Variants in TMEM63B observed in about 807,000 individuals in gnomAD.
TMEM63B encodes transmembrane protein 63B, also known as mechanosensitive cation channel TMEM63B.
In TMEM63B, 23 loss-of-function variants were observed where a neutral mutation model predicts 102.6. The observed-to-expected ratio is 0.22, with a 90% CI of 0.16 to 0.32. The LOEUF is 0.32. Ranked by LOEUF, TMEM63B falls within the 10% of genes least tolerant of loss-of-function variation. The pLI, the probability that TMEM63B is intolerant of heterozygous loss-of-function variation, is 1.00. For synonymous variants in TMEM63B, 444 were observed against 437.0 expected (o/e 1.02, Z -0.20); for missense variants, 628 against 1,095.9 (o/e 0.57, Z 6.03).
In TMEM63B at chr6:44,150,938, G is replaced by A. The variant is rs577857038; in HGVS notation, c.1673+309G>A. 3.9e-5 allele frequency among the ~76,000 whole-genome samples: 6 copies of A among 152,308 alleles called. No homozygotes were observed. In the South Asian group the frequency reaches 1.0e-3, roughly 26 times the overall value. On this transcript the variant is annotated intron_variant, in intron 18 of 23. Coordinates refer to ENST00000323267, the MANE Select transcript of TMEM63B (RefSeq NM_018426.3). This position sits in a 1 kb window ranked among gnomAD's most constrained non-coding sequence, Gnocchi z 4.7. ...GGTAGTTTCTATGGGGGTGTCTTGT[G>A]CCCATATTCTGGGACTAACTGTGGG...
chr6:44,138,737 C>CCCCCCCCCCCT, intron 6 of TMEM63B: 1 of 328,106 alleles, frequency 3.0e-6, no homozygotes. Flanking sequence ...CCCCTGCCGG[C>CCCCCCCCCCCT]CCCCCCGCTT....
intron 4 of TMEM63B, among the ~76,000 whole-genome samples, 185 bp from the exon 5 acceptor site, chr6:44,136,164 C>T (rs1762905370): frequency 6.6e-6 from 1 of 152,208 alleles, no homozygotes; most frequent in Admixed American, 6.5e-5. Context: ...CCTGAGTCCC[C>T]CTGAAAGGAA....
At chr6:44,132,611 T>G (rs1354353380) in intron 1 of TMEM63B, among the ~76,000 whole-genome samples, 1 of 151,974 alleles carries the variant, frequency 6.6e-6, no homozygotes, top group Non-Finnish European at 1.5e-5. Flanking sequence ...TGCCCCAGGG[T>G]TCTGTGCATC....
chr6:44,138,287 G>A (rs1763414837), intron 5 of TMEM63B, 193 bp from the exon 6 acceptor site: 2 of 572,294 alleles, frequency 3.5e-6, no homozygotes, highest in South Asian at 4.1e-5. Context: ...TTTTTTCTTT[G>A]AGGGCTGAGA....
At chr6:44,131,993 G>A (rs1359840046) in intron 1 of TMEM63B, among the ~76,000 whole-genome samples, 1 of 152,154 alleles carries the variant, frequency 6.6e-6, no homozygotes, top group Non-Finnish European at 1.5e-5. Context: ...GCTCAGCCCA[G>A]TGCTGGCTTT....
intron 1 of TMEM63B, 140 bp from the exon 2 acceptor site, chr6:44,134,421 C>A: frequency 1.2e-6 from 1 of 807,620 alleles, no homozygotes; most frequent in Non-Finnish European, 1.9e-6. Flanking sequence ...CCTCCCTAGG[C>A]CCTTATCTCC....
intron 6 of TMEM63B, chr6:44,138,741 C>CCCA (rs936969472): frequency 7.4e-6 from 3 of 406,656 alleles, no homozygotes; most frequent in East Asian, 9.0e-5. Context: ...TGCCGGCCCC[C>CCCA]CCGCTTCTCT....
rs1762572764 is a variant in TMEM63B at position 44,134,664 on chromosome 6, G to T, written c.80G>T (p.Arg27Leu). Residue 27 changes from arginine to leucine, a missense_variant, in exon 2 of 24, where the codon CGC becomes CTC. Physicochemically the swap from Arg to Leu is moderately radical, Grantham distance 102. Around this residue, in one of 6 missense-constraint regions of TMEM63B, gnomAD observed 336 missense variants for 580.3 expected, o/e 0.58. Transcript: ENST00000323267. Reference sequence around the variant, plus strand: ...CCCAAGGACTACTGCTACAGCGCCCGCATCCGCAGCACTGTCCTGCAGGGC... The same window carrying T: ...CCCAAGGACTACTGCTACAGCGCCCTCATCCGCAGCACTGTCCTGCAGGGC... ...SNPKDYCYSA[R>L]IRSTVLQGLP... The T allele has an allele frequency of 6.2e-7, 1 of 1,614,070 alleles. No homozygotes were observed. The highest frequency in any genetic ancestry group is 8.5e-7 in the Non-Finnish European group (1 of 1,180,042).
intron 1 of TMEM63B, among the ~76,000 whole-genome samples, chr6:44,130,959 C>T (rs1246814827): frequency 1.3e-5 from 2 of 151,854 alleles, no homozygotes; most frequent in Non-Finnish European, 2.9e-5. Context: ...ACTCTGTCGC[C>T]CAGGCTGGAG....
intron 22 of TMEM63B, 77 bp downstream of exon 22, chr6:44,154,265 C>T (rs920719141): frequency 2.6e-5 from 41 of 1,597,844 alleles, no homozygotes; most frequent in Middle Eastern, 1.7e-4. Context: ...ACAGGGCTGG[C>T]GAGGGCTGAG....
rs774760478 is a variant in TMEM63B at position 44,154,761 on chromosome 6, G to A, written c.2377G>A (p.Gly793Arg). 1 of 1,606,022 alleles carries A rather than the reference G, an allele frequency of 6.2e-7. No homozygotes were observed. Among genetic ancestry groups the A allele is most frequent in the South Asian group, 1.1e-5 (1 of 90,194 alleles). The change falls in exon 24 of 24, where the codon GGG becomes AGG. Residue 793 changes from glycine (G) to arginine (R), a missense_variant. Gly to Arg is a moderately radical substitution (Grantham distance 125). Around this residue, in one of 6 missense-constraint regions of TMEM63B, gnomAD observed 129 missense variants for 153.5 expected, o/e 0.84. Coordinates refer to ENST00000323267, the MANE Select transcript of TMEM63B (RefSeq NM_018426.3). ...GDGDGAPGSSGDEPPSSSSQD... is the reference protein window; with the variant it reads ...GDGDGAPGSSRDEPPSSSSQD... ...TGGGGATGGGGCTCCTGGGAGCTCA[G>A]GGGATGAGCCCCCATCATCCTCATC...
intron 15 of TMEM63B, 91 bp from the exon 16 acceptor site, chr6:44,149,768 C>CCAAG: frequency 9.6e-7 from 1 of 1,043,428 alleles, no homozygotes; most frequent in South Asian, 1.5e-5. Context: ...AGTTGTGAGG[C>CCAAG]CAAGGGCCCA....
chr6:44,139,614 G>A lies in TMEM63B; in HGVS notation c.550+5G>A. On this transcript the variant is annotated splice_donor_5th_base_variant and intron_variant, in intron 7 of 23. Transcript: ENST00000323267. ...ACTTCTCAGGGGACCTGCTGGGTCA[G>A]TGAGGGCCAGGACGGCTAGGGTGGA... 6.2e-7 allele frequency: 1 copy of A among 1,614,212 alleles called. No homozygotes were observed. Among genetic ancestry groups the A allele is most frequent in the South Asian group, 1.1e-5 (1 of 91,084 alleles).
Position 44,154,452 on chromosome 6 carries a change from G to A in TMEM63B, c.2307+7G>A, listed in dbSNP as rs565070061. Reference sequence around the variant, plus strand: ...TGCTGTCCCCAAATCTGCGGTGAGTGCCCTCAAGGGTTGGGAGGGGCCTCT... The same window carrying A: ...TGCTGTCCCCAAATCTGCGGTGAGTACCCTCAAGGGTTGGGAGGGGCCTCT... On this transcript the variant is annotated splice_region_variant and intron_variant, in intron 23 of 23. Transcript: ENST00000323267. 12 of 1,613,898 alleles carry A rather than the reference G, an allele frequency of 7.4e-6. No individual in the cohort carries two copies. Among genetic ancestry groups the A allele is most frequent in the South Asian group, 1.1e-5 (1 of 91,076 alleles).
intron 18 of TMEM63B, among the ~76,000 whole-genome samples, chr6:44,151,475 C>T (rs940182865): frequency 6.6e-6 from 1 of 151,916 alleles, no homozygotes; most frequent in Non-Finnish European, 1.5e-5. Context: ...GGGGGTAACT[C>T]GAGTTATGGT....
intron 11 of TMEM63B, among the ~76,000 whole-genome samples, chr6:44,147,169 T>A (rs1223576653): frequency 6.6e-6 from 1 of 152,138 alleles, no homozygotes; most frequent in Non-Finnish European, 1.5e-5. Context: ...CTTCTTTGGC[T>A]ACAGTATGAG....
At chr6:44,146,250 A>T (rs1051096346) in intron 10 of TMEM63B, among the ~76,000 whole-genome samples, 2 of 152,082 alleles carry the variant, frequency 1.3e-5, no homozygotes, top group Non-Finnish European at 2.9e-5. Flanking sequence ...ATCAGACCAT[A>T]GCCCTGGCTT....
intron 10 of TMEM63B, among the ~76,000 whole-genome samples, 176 bp from the exon 11 acceptor site, chr6:44,146,671 G>A (rs575839011): frequency 1.3e-5 from 2 of 152,130 alleles, no homozygotes; most frequent in East Asian, 3.9e-4. Context: ...GGCTGGTTTC[G>A]AACTCCTGAC....
intron 4 of TMEM63B, 124 bp downstream of exon 4, chr6:44,135,490 T>C (rs1285124959): frequency 2.4e-6 from 3 of 1,243,210 alleles, no homozygotes; most frequent in East Asian, 5.1e-5. Context: ...TGCAGGCTCA[T>C]GTTTCGGATT....
Sources: allele counts gnomAD v4.1 joint callset (sites outside exome capture counted in the v4.1 genomes callset), GRCh38; gene constraint gnomAD v4.1.1; regional missense constraint gnomAD v4.1.1; non-coding constraint Gnocchi (gnomAD v3.1); transcripts MANE v1.5; gene names NCBI Gene and HGNC (gene_info 2026-07-23, HGNC 2026-07-21).